The following DENND1B variants were observed in gnomAD, a reference collection of about 807,000 sequenced individuals.
DENND1B encodes the protein DENN domain containing 1B.
A neutral mutation model predicts 90.1 loss-of-function variants in DENND1B; 59 were observed. The ratio of observed to expected loss-of-function variants is 0.65; its 90% CI spans 0.53 to 0.81. The LOEUF (loss-of-function observed/expected upper bound fraction) is 0.81, where lower values mean the gene tolerates loss of function less well. DENND1B is among the 40% of genes least tolerant of loss of function. DENND1B has a pLI of 0.00. For missense variants in DENND1B, 862 were observed against 912.6 expected, an observed-to-expected ratio of 0.94 and a Z score of 0.71; for synonymous variants, 337 against 324.6, an observed-to-expected ratio of 1.04 and a Z score of -0.41.
At chr1:197,526,694 A>G (rs1260666676) in intron 20 of DENND1B, among the ~76,000 whole-genome samples, 1 of 152,166 alleles carries the variant, frequency 6.6e-6, no homozygotes, top group Non-Finnish European at 1.5e-5. Context: ...TGTTCACATA[A>G]AAAGATTATC....
chr1:197,633,860 C>T (rs745330945), intron 10 of DENND1B, among the ~76,000 whole-genome samples: 40 of 152,124 alleles, frequency 2.6e-4, no homozygotes, highest in Non-Finnish European at 3.8e-4. Context: ...CCCAGTAACA[C>T]GATCCTAGTT....
chr1:197,761,592 GT>G (rs1655062882), intron 2 of DENND1B, among the ~76,000 whole-genome samples: 1 of 151,998 alleles, frequency 6.6e-6, no homozygotes, highest in African/African-American at 2.4e-5. Context: ...AGTCATCTAA[GT>G]TTTTATAACT....
At chr1:197,601,234 T>C (rs1238246720) in intron 13 of DENND1B, among the ~76,000 whole-genome samples, 2 of 84,220 alleles carry the variant, frequency 2.4e-5, no homozygotes, top group Admixed American at 2.7e-4. Flanking sequence ...ACTTGATAAA[T>C]ACCTGTTGAA....
intron 14 of DENND1B, among the ~76,000 whole-genome samples, chr1:197,587,966 A>G (rs1674856111): frequency 6.6e-6 from 1 of 151,974 alleles, no homozygotes; most frequent in African/African-American, 2.4e-5. Context: ...TGCAGTTCAT[A>G]ATAGGGGTTT....
At chr1:197,733,566 T>C (rs1662348730) in intron 2 of DENND1B, among the ~76,000 whole-genome samples, 1 of 152,188 alleles carries the variant, frequency 6.6e-6, no homozygotes, top group Non-Finnish European at 1.5e-5. Context: ...AGCTCTGTCT[T>C]TGTCTTCGTT....
chr1:197,758,023 T>C (rs1654533988), intron 2 of DENND1B, among the ~76,000 whole-genome samples: 1 of 152,210 alleles, frequency 6.6e-6, no homozygotes, highest in Non-Finnish European at 1.5e-5. Flanking sequence ...TACACATATA[T>C]GGAATTCTAA....
At chr1:197,568,446 C>T (rs1288470978) in intron 15 of DENND1B, among the ~76,000 whole-genome samples, 5 of 152,060 alleles carry the variant, frequency 3.3e-5, no homozygotes, top group African/African-American at 4.8e-5. Flanking sequence ...TACAGTTCAA[C>T]GTAATTCCTA....
chr1:197,640,350 G>A (rs927610847), intron 10 of DENND1B, among the ~76,000 whole-genome samples: 2 of 151,734 alleles, frequency 1.3e-5, no homozygotes, highest in East Asian at 1.9e-4. Flanking sequence ...GCAGGCGCCT[G>A]TACTCCTAGC....
At chr1:197,603,569 T>C (rs1289335536) in intron 13 of DENND1B, among the ~76,000 whole-genome samples, 2 of 151,134 alleles carry the variant, frequency 1.3e-5, no homozygotes, top group Non-Finnish European at 3.0e-5. Flanking sequence ...AATATTCTAA[T>C]ACATGTAACC....
chr1:197,729,608 T>C (rs978587415), intron 2 of DENND1B, among the ~76,000 whole-genome samples: 7 of 152,106 alleles, frequency 4.6e-5, no homozygotes, highest in African/African-American at 1.7e-4. Context: ...AAGAAAGAAA[T>C]AGGCAATTAA....
chr1:197,775,126 C>G lies in DENND1B; in HGVS notation c.17+13G>C, dbSNP rs1433050899. On this transcript the variant is annotated intron_variant, in intron 1 of 22. Coordinates refer to ENST00000620048, the MANE Select transcript of DENND1B (RefSeq NM_001195215.2). ...GACGCCCGCCCCCGACGCGCCCGGG[C>G]CCCCCCACTCACTTGGTCCTGCAGT... The G allele has an allele frequency of 1.6e-6, 2 of 1,279,612 alleles. No individual in the cohort carries two copies. Among genetic ancestry groups the G allele is most frequent in the Admixed American group, 3.3e-5 (1 of 30,164 alleles). The allele number at this position is 1,279,612 out of a possible 1,614,324, so 79.3% of individuals were successfully genotyped here.
At chr1:197,529,242 A>ATGTGTGTGTGTG (rs1160722638) in intron 20 of DENND1B, among the ~76,000 whole-genome samples, 5 of 10,872 alleles carry the variant, frequency 4.6e-4, no homozygotes, top group African/African-American at 8.4e-4. Flanking sequence ...ATATATATAT[A>ATGTGTGTGTGTG]TGTGTGTGTG....
intron 2 of DENND1B, among the ~76,000 whole-genome samples, chr1:197,726,372 G>A (rs930602023): frequency 9.2e-5 from 14 of 152,300 alleles, no homozygotes; most frequent in African/African-American, 3.1e-4. Context: ...AACCCAGGCT[G>A]TGAAGGATCA....
rs570573890 is a variant in DENND1B, at chr1:197,542,809, G to A, written c.1351-1794C>T. On this transcript the variant is annotated intron_variant, in intron 18 of 22. Coordinates refer to ENST00000620048, the MANE Select transcript of DENND1B (RefSeq NM_001195215.2). The stretch of plus-strand genomic sequence containing the variant: ...ACCTGCCCCAAACCTCCTGATTCAG[G>A]GATGATATGATCACAAGATAAATGA... Among the ~76,000 whole-genome samples, 20 of 152,008 alleles carry A rather than the reference G, an allele frequency of 1.3e-4. No individual in the cohort carries two copies. In the Middle Eastern group the frequency reaches 0.01, roughly 78 times the overall value.
intron 15 of DENND1B, 34 bp downstream of exon 15, chr1:197,583,118 C>T: frequency 6.4e-7 from 1 of 1,568,116 alleles, no homozygotes; most frequent in Non-Finnish European, 8.8e-7. Context: ...ACAATGTTGT[C>T]TTACAAAAGA....
Position 197,507,748 on chromosome 1 carries a change from T to C in DENND1B, c.*2712A>G, listed in dbSNP as rs1667794791. ...TGTAGAATATAACACTTTCCTTTATTTCGGAACTCACCCAGTTTAATTTCA... is the reference window on the plus strand; with the variant it reads ...TGTAGAATATAACACTTTCCTTTATCTCGGAACTCACCCAGTTTAATTTCA... On this transcript the variant is annotated 3_prime_UTR_variant, in exon 23 of 23. Transcript: ENST00000620048. 1 of 151,620 alleles carries C rather than the reference T, an allele frequency of 6.6e-6. No individual in the cohort carries two copies. Among genetic ancestry groups the C allele is most frequent in the Non-Finnish European group, 1.5e-5 (1 of 67,702 alleles). The allele number at this position is 151,620 out of a possible 1,614,324, so 9.4% of individuals were successfully genotyped here.
intron 2 of DENND1B, among the ~76,000 whole-genome samples, chr1:197,755,934 G>A (rs1654222804): frequency 6.6e-6 from 1 of 152,202 alleles, no homozygotes; most frequent in Non-Finnish European, 1.5e-5. Flanking sequence ...TGGGAATTAT[G>A]GGAGCAACAA....
At chr1:197,585,498 CTA>C (rs1457283641) in intron 14 of DENND1B, among the ~76,000 whole-genome samples, 1 of 152,140 alleles carries the variant, frequency 6.6e-6, no homozygotes, top group Non-Finnish European at 1.5e-5. Context: ...AATCATTAGC[CTA>C]TGTGAATTAA....
At chr1:197,554,278 G>T (rs1671511664) in intron 15 of DENND1B, among the ~76,000 whole-genome samples, 1 of 151,826 alleles carries the variant, frequency 6.6e-6, no homozygotes, top group South Asian at 2.1e-4. Context: ...AAGAGGCAGG[G>T]GATAACATAG....
Sources: gnomAD v4.1 joint callset for allele counts (sites outside exome capture counted in the v4.1 genomes callset) on GRCh38, gnomAD v4.1.1 for gene constraint, MANE v1.5 for transcripts, NCBI Gene and HGNC (gene_info 2026-07-23, HGNC 2026-07-21) for gene names.